Variants in TBC1D5 observed in about 807,000 individuals in gnomAD.
TBC1D5 encodes TBC1 domain family member 5, also known as TBC1 domain family, member 5.
In TBC1D5, 75 loss-of-function variants were observed where a neutral mutation model predicts 100.3. The ratio of observed to expected loss-of-function variants is 0.75; its 90% CI spans 0.62 to 0.91. The LOEUF is 0.91. TBC1D5 is among the 40% of genes least tolerant of loss of function. TBC1D5 has a pLI of 0.00. For synonymous variants in TBC1D5, 323 were observed against 325.6 expected (o/e 0.99, Z 0.09); for missense variants, 910 against 942.4 (o/e 0.97, Z 0.45).
intron 2 of TBC1D5, among the ~76,000 whole-genome samples, chr3:17,608,391 A>C (rs111577961): frequency 6.6e-6 from 1 of 152,312 alleles, no homozygotes; most frequent in African/African-American, 2.4e-5. Context: ...AGGGGGAAAA[A>C]ATTGCCATAT....
chr3:17,451,011 A>T (rs2094912925), intron 3 of TBC1D5, among the ~76,000 whole-genome samples: 1 of 152,220 alleles, frequency 6.6e-6, no homozygotes, highest in Non-Finnish European at 1.5e-5. Flanking sequence ...CACAAAGCCC[A>T]TCAGACTAAC....
At position 17,251,436 on chromosome 3, in the gene TBC1D5, C is replaced by A. The variant is rs79465466; in HGVS notation, c.1331+7070G>T. Reference sequence around the variant, plus strand: ...ATATACTCACGGGAACCCCCCCCCCCCCAGTAGAAGCGATTAGAAGTGGAG... The same window carrying A: ...ATATACTCACGGGAACCCCCCCCCCACCAGTAGAAGCGATTAGAAGTGGAG... On this transcript the variant is annotated intron_variant, in intron 16 of 21. Coordinates refer to ENST00000253692, the Ensembl canonical transcript of TBC1D5. 8.0e-4 allele frequency among the ~76,000 whole-genome samples: 115 copies of A among 144,016 alleles called. 2 individuals are homozygous for A. In the South Asian group the frequency reaches 0.013, roughly 16 times the overall value. The allele number at this position is 144,016 out of a possible 152,430, so 94.5% of individuals were successfully genotyped here. A position where few individuals can be genotyped will look rare whatever the true frequency, so the allele number is the denominator to read the frequency against.
At chr3:17,742,465 CATT>C (rs1481359107), upstream of TBC1D5, 3 of 152,840 alleles carry the variant, frequency 2.0e-5, no homozygotes, top group Admixed American at 1.3e-4. Context: ...CGATCATCAT[CATT>C]ATTTTATTTT....
At chr3:17,665,839 C>CT (rs763277731) in intron 1 of TBC1D5, among the ~76,000 whole-genome samples, 3 of 152,196 alleles carry the variant, frequency 2.0e-5, no homozygotes, top group Non-Finnish European at 4.4e-5. Flanking sequence ...TTAGGATCAT[C>CT]TGCAAACTCT....
chr3:17,663,877 G>C (rs2066933688), intron 1 of TBC1D5, among the ~76,000 whole-genome samples: 1 of 151,992 alleles, frequency 6.6e-6, no homozygotes, highest in Admixed American at 6.5e-5. Context: ...AGATGATATA[G>C]GCTTATATTT....
chr3:17,649,587 A>C (rs1238217085), intron 1 of TBC1D5, among the ~76,000 whole-genome samples: 1 of 152,228 alleles, frequency 6.6e-6, no homozygotes, highest in African/African-American at 2.4e-5. Flanking sequence ...TCAAAACCAC[A>C]ATGAGATACC....
exon 22 of TBC1D5, chr3:17,159,129 C>T (rs2065826744): frequency 6.6e-6 from 1 of 152,194 alleles, no homozygotes; most frequent in Admixed American, 6.5e-5. Flanking sequence ...TGTGCATCTG[C>T]CAGGCAATTG....
At chr3:17,196,791 G>A (rs536326924) in intron 18 of TBC1D5, among the ~76,000 whole-genome samples, 2 of 152,196 alleles carry the variant, frequency 1.3e-5, no homozygotes, top group East Asian at 3.9e-4. Flanking sequence ...CCTCCAACTC[G>A]CCAAATCCAG....
chr3:17,274,240 T>C (rs2079741880), intron 15 of TBC1D5, among the ~76,000 whole-genome samples: 1 of 152,202 alleles, frequency 6.6e-6, no homozygotes, highest in Non-Finnish European at 1.5e-5. Context: ...TACTGAAATC[T>C]CTCCTCCTTG....
chr3:17,523,588 T>C, intron 2 of TBC1D5, among the ~76,000 whole-genome samples: 1 of 151,968 alleles, frequency 6.6e-6, no homozygotes, highest in Non-Finnish European at 1.5e-5. Flanking sequence ...GCCAGCAAAA[T>C]GGACAATAAA....
intron 1 of TBC1D5, among the ~76,000 whole-genome samples, chr3:17,670,187 CA>C (rs751481499): frequency 2.6e-5 from 4 of 152,170 alleles, no homozygotes; most frequent in Non-Finnish European, 4.4e-5. Context: ...CACGCCCGGC[CA>C]GACTGTCTTA....
At chr3:17,345,400 C>T (rs2089712021) in intron 13 of TBC1D5, among the ~76,000 whole-genome samples, 1 of 152,006 alleles carries the variant, frequency 6.6e-6, no homozygotes, top group African/African-American at 2.4e-5. Flanking sequence ...GAATGGCAAT[C>T]ATTAAAAAGT....
intron 13 of TBC1D5, among the ~76,000 whole-genome samples, chr3:17,319,035 G>A (rs528816843): frequency 5.3e-5 from 8 of 152,224 alleles, no homozygotes; most frequent in African/African-American, 1.9e-4. Flanking sequence ...GCCACTTTTG[G>A]TCAGCCAATT....
chr3:17,463,190 T>C (rs917545032), intron 3 of TBC1D5, among the ~76,000 whole-genome samples: 5 of 152,220 alleles, frequency 3.3e-5, no homozygotes, highest in African/African-American at 1.2e-4. Context: ...GTGTCTGGCA[T>C]ATTACTGATA....
rs546735695 is a variant in TBC1D5, at chr3:17,258,593, T to TA, written c.1246-3dup. 2.4e-3 allele frequency: 3,803 copies of TA among 1,573,312 alleles called. 5 individuals are homozygous for TA. The highest frequency in any genetic ancestry group is 3.0e-3 in the Non-Finnish European group (3,423 of 1,151,418). ...ATAAGTCACTGGTCTTGGATTTCTC[T>TA]AAAAAAAAATACATTTTTAAAAAGC... On this transcript the variant is annotated splice_polypyrimidine_tract_variant and splice_region_variant and intron_variant, in intron 15 of 21. Coordinates refer to ENST00000253692, the Ensembl canonical transcript of TBC1D5.
chr3:17,692,797 TGGTCTAAAACACAA>T (rs2153832002), intron 1 of TBC1D5, among the ~76,000 whole-genome samples: 1 of 152,306 alleles, frequency 6.6e-6, no homozygotes, highest in East Asian at 1.9e-4. Context: ...TGAGTACCAA[TGGTCTAAAACACAA>T]GTAGATCAGA....
In TBC1D5 at chr3:17,701,093, A is replaced by G. The variant is rs192407340; in HGVS notation, c.-101+38250T>C. Among the ~76,000 whole-genome samples, 273 of 152,286 alleles carry G rather than the reference A, an allele frequency of 1.8e-3. 1 individual carries two copies. Among genetic ancestry groups the G allele is most frequent in the African/African-American group, 6.2e-3 (257 of 41,538 alleles). ...TTGGAACCAACCCAAATGTCCATCA[A>G]TGATGGACTGGATTAAGAAAATGTG... On this transcript the variant is annotated intron_variant, in intron 1 of 21. Coordinates refer to ENST00000253692, the Ensembl canonical transcript of TBC1D5.
intron 13 of TBC1D5, among the ~76,000 whole-genome samples, chr3:17,371,094 C>CAT (rs1407828698): frequency 7.2e-5 from 11 of 151,822 alleles, no homozygotes; most frequent in African/African-American, 1.2e-4. Context: ...CACACACACA[C>CAT]ATGCACACCC....
chr3:17,404,429 T>C (rs1194684921), intron 7 of TBC1D5, among the ~76,000 whole-genome samples: 1 of 152,090 alleles, frequency 6.6e-6, no homozygotes, highest in Non-Finnish European at 1.5e-5. Flanking sequence ...CTCATCTTTA[T>C]GGTCTTATAT....
Sources: gnomAD v4.1 joint callset for allele counts (sites outside exome capture counted in the v4.1 genomes callset) on GRCh38, gnomAD v4.1.1 for gene constraint, MANE v1.5 for transcripts, NCBI Gene and HGNC (gene_info 2026-07-23, HGNC 2026-07-21) for gene names.